MACC1: variants seen among roughly 807,000 people sequenced by gnomAD.
The protein encoded by MACC1 is metastasis-associated in colon cancer protein 1.
In MACC1, 79 loss-of-function variants were observed where a neutral mutation model predicts 70.7. The observed-to-expected ratio is 1.12, with a 90% CI of 0.93 to 1.35. The LOEUF is 1.35. Among genes scored for constraint, MACC1 ranks in the 40% most tolerant of loss-of-function variants. The pLI, the probability that MACC1 is intolerant of heterozygous loss-of-function variation, is 0.00. For synonymous variants in MACC1, 361 were observed against 347.2 expected (o/e 1.04, Z -0.44); for missense variants, 1,106 against 978.1 (o/e 1.13, Z -1.74).
In MACC1 at chr7:20,160,040, T is replaced by A; in HGVS notation, c.321A>T (p.Ile107=). Residue 107 remains isoleucine, a synonymous_variant, in exon 5 of 7, where the codon ATA becomes ATT. Transcript: ENST00000400331. ...KEDPFLFCRE[I]ENGNSFDSSG... Reference sequence around the variant, plus strand: ...AGGAATCAAAAGAATTTCCATTTTCTATTTCTCTACAGAAAAGAAAAGGAT... The same window carrying A: ...AGGAATCAAAAGAATTTCCATTTTCAATTTCTCTACAGAAAAGAAAAGGAT... 6.2e-7 allele frequency: 1 copy of A among 1,611,078 alleles called. No homozygotes were observed. Among genetic ancestry groups the A allele is most frequent in the Non-Finnish European group, 8.5e-7 (1 of 1,179,148 alleles).
chr7:20,172,567 G>A lies in MACC1; in HGVS notation c.-217-1789C>T, dbSNP rs143997211. On this transcript the variant is annotated intron_variant, in intron 1 of 6. Transcript: ENST00000400331. ...TTAATTTCATGTTTAAATTAATTATGTTTTGTTATTCTACTTTCAGGTGTT... is the reference window on the plus strand; with the variant it reads ...TTAATTTCATGTTTAAATTAATTATATTTTGTTATTCTACTTTCAGGTGTT... 2.6e-4 allele frequency among the ~76,000 whole-genome samples: 39 copies of A among 152,174 alleles called. 3 individuals are homozygous for A. The highest frequency in any genetic ancestry group is 8.7e-4 in the African/African-American group (36 of 41,518).
chr7:20,172,676 T>C (rs981168077), intron 1 of MACC1, among the ~76,000 whole-genome samples: 1 of 152,228 alleles, frequency 6.6e-6, no homozygotes, highest in Admixed American at 6.5e-5. Context: ...TGTCCATCAC[T>C]GTCATTTTTA....
intron 4 of MACC1, among the ~76,000 whole-genome samples, 164 bp from the exon 5 acceptor site, chr7:20,160,409 A>T (rs1782124897): frequency 6.6e-6 from 1 of 152,114 alleles, no homozygotes; most frequent in African/African-American, 2.4e-5. Context: ...AAATTTGCTC[A>T]AATTTATATG....
intron 3 of MACC1, among the ~76,000 whole-genome samples, chr7:20,163,693 A>C (rs984691545): frequency 2.0e-5 from 3 of 152,232 alleles, no homozygotes; most frequent in Non-Finnish European, 4.4e-5. Flanking sequence ...ATCCCATGAC[A>C]ACATTGAAAA....
intron 1 of MACC1, among the ~76,000 whole-genome samples, chr7:20,178,544 T>C (rs1252117075): frequency 6.6e-6 from 1 of 152,250 alleles, no homozygotes; most frequent in Non-Finnish European, 1.5e-5. Context: ...AGAACTTCTC[T>C]AAATTCTTGA....
chr7:20,154,117 T>G (rs1782020423), intron 6 of MACC1, 76 bp downstream of exon 6: 8 of 1,456,348 alleles, frequency 5.5e-6, no homozygotes, highest in Non-Finnish European at 7.6e-6. Context: ...TCCGTGAATG[T>G]GGTATGGGTT....
At chr7:20,167,291 G>A (rs989169617) in intron 2 of MACC1, among the ~76,000 whole-genome samples, 1 of 151,856 alleles carries the variant, frequency 6.6e-6, no homozygotes, top group Non-Finnish European at 1.5e-5. Flanking sequence ...CACCTCCCGG[G>A]TTCAAGCAAT....
In MACC1 at chr7:20,140,276, T is replaced by A. The variant is rs1583375367; in HGVS notation, c.*670A>T. 3 of 152,332 alleles carry A rather than the reference T, an allele frequency of 2.0e-5. No homozygotes were observed. The South Asian group carries it at 6.2e-4, about 32-fold the overall frequency. 9.4% of individuals were successfully genotyped at this position (152,332 alleles called of 1,614,324 possible). A position where few individuals can be genotyped will look rare whatever the true frequency, so the allele number is the denominator to read the frequency against. On this transcript the variant is annotated 3_prime_UTR_variant, in exon 7 of 7. Transcript: ENST00000400331. ...TATTCTGTTATGCAGTATGATTTTT[T>A]AAAAAGAAATAGAAACAGGTTTTTC...
chr7:20,193,860 T>G (rs1782708817), intron 1 of MACC1, among the ~76,000 whole-genome samples: 1 of 151,736 alleles, frequency 6.6e-6, no homozygotes, highest in Non-Finnish European at 1.5e-5. Context: ...ATCACTGTTC[T>G]CCAACCCCGG....
At chr7:20,206,422 TCTC>T (rs1032384293) in intron 1 of MACC1, among the ~76,000 whole-genome samples, 29 of 152,180 alleles carry the variant, frequency 1.9e-4, no homozygotes, top group African/African-American at 6.5e-4. Context: ...CTTGAGAAGT[TCTC>T]CTTCTTTGTC....
At chr7:20,154,417 C>G (rs775042754) in intron 5 of MACC1, 36 bp from the exon 6 acceptor site, 4 of 1,577,054 alleles carry the variant, frequency 2.5e-6, no homozygotes, top group African/African-American at 2.7e-5. Context: ...TTAAAAGCAA[C>G]TAACTTGGGC....
At chr7:20,167,343 A>C (rs1782236065) in intron 2 of MACC1, among the ~76,000 whole-genome samples, 1 of 151,852 alleles carries the variant, frequency 6.6e-6, no homozygotes, top group Non-Finnish European at 1.5e-5. Flanking sequence ...CTACAGGTGC[A>C]TGCCACCACG....
In MACC1 at chr7:20,137,181, T is replaced by C. The variant is rs1271431496; in HGVS notation, c.*3765A>G. 6.6e-6 allele frequency: 1 copy of C among 152,168 alleles called. No homozygotes were observed. Among genetic ancestry groups the C allele is most frequent in the Non-Finnish European group, 1.5e-5 (1 of 68,026 alleles). 9.4% of individuals were successfully genotyped at this position (152,168 alleles called of 1,614,324 possible). ...ATTCAAGTCCTTCAACTTCCAGTTA[T>C]AGCATTGTACAAATTTGAGTGTATG... On this transcript the variant is annotated 3_prime_UTR_variant, in exon 7 of 7. Transcript: ENST00000400331.
intron 1 of MACC1, among the ~76,000 whole-genome samples, chr7:20,189,750 A>ACACAC (rs1554291002): frequency 0.19 from 22,777 of 117,682 alleles, 1,934 homozygotes; most frequent in African/African-American, 0.31. Context: ...CAAACACATA[A>ACACAC]ACACACACAC....
intron 1 of MACC1, among the ~76,000 whole-genome samples, chr7:20,207,128 C>A (rs1445737172): frequency 2.6e-5 from 4 of 151,666 alleles, no homozygotes; most frequent in African/African-American, 9.7e-5. Context: ...AAATTCAATC[C>A]ATTGTTAACT....
intron 1 of MACC1, among the ~76,000 whole-genome samples, chr7:20,188,348 G>A (rs926309368): frequency 1.3e-5 from 2 of 152,090 alleles, no homozygotes; most frequent in South Asian, 2.1e-4. Context: ...TGAGCTGCCC[G>A]TGCTATCAGC....
At chr7:20,190,107 T>C (rs1782651003) in intron 1 of MACC1, among the ~76,000 whole-genome samples, 1 of 152,130 alleles carries the variant, frequency 6.6e-6, no homozygotes, top group South Asian at 2.1e-4. Context: ...CACAATGGAA[T>C]TAAGGATTCA....
At chr7:20,163,373 G>T (rs980507488) in intron 3 of MACC1, among the ~76,000 whole-genome samples, 9 of 152,182 alleles carry the variant, frequency 5.9e-5, no homozygotes, top group African/African-American at 1.7e-4. Flanking sequence ...CATTGTCTAG[G>T]AAATAGGCTT....
At chr7:20,173,266 T>C (rs1010990507) in intron 1 of MACC1, among the ~76,000 whole-genome samples, 1 of 152,216 alleles carries the variant, frequency 6.6e-6, no homozygotes, top group African/African-American at 2.4e-5. Flanking sequence ...ATAAAATATA[T>C]GGCAGCTGAA....
Sources: gnomAD v4.1 joint callset for allele counts (sites outside exome capture counted in the v4.1 genomes callset) on GRCh38, gnomAD v4.1.1 for gene constraint, MANE v1.5 for transcripts, NCBI Gene and HGNC (gene_info 2026-07-23, HGNC 2026-07-21) for gene names.